Variants in IMMP2L observed in about 807,000 individuals in gnomAD.
IMMP2L encodes mitochondrial inner membrane protease subunit 2.
Under a neutral mutation model 19.3 loss-of-function variants are expected in IMMP2L, and 18 were observed. The observed-to-expected ratio is 0.93, with a 90% confidence interval of 0.64 to 1.38. IMMP2L has a LOEUF of 1.38. Ranked by LOEUF, IMMP2L falls within the 40% of genes most tolerant of loss-of-function variation. The probability of loss-of-function intolerance (pLI) is 0.00; values close to 1 mark genes in which losing one functional copy is unlikely to be tolerated. For missense variants in IMMP2L, 233 were observed against 218.2 expected (o/e 1.07, Z -0.43); for synonymous variants, 76 against 73.0 (o/e 1.04, Z -0.21).
intron 1 of IMMP2L, among the ~76,000 whole-genome samples, chr7:111,533,285 C>A (rs1341250394): frequency 1.3e-5 from 2 of 152,184 alleles, no homozygotes; most frequent in South Asian, 4.2e-4. Context: ...CTCTTATATG[C>A]CTTGTTTTGA....
chr7:111,230,942 G>A (rs1813642687), intron 3 of IMMP2L, among the ~76,000 whole-genome samples: 1 of 151,872 alleles, frequency 6.6e-6, no homozygotes, highest in Non-Finnish European at 1.5e-5. Flanking sequence ...ATGAATGGGT[G>A]CAAATTAATG....
chr7:111,262,000 G>A (rs771774578), intron 3 of IMMP2L, among the ~76,000 whole-genome samples: 1 of 152,084 alleles, frequency 6.6e-6, no homozygotes, highest in Non-Finnish European at 1.5e-5. Flanking sequence ...TCTGTTAGGA[G>A]ATGACAGTGG....
intron 4 of IMMP2L, among the ~76,000 whole-genome samples, chr7:110,931,792 G>A (rs1018158889): frequency 6.6e-6 from 1 of 152,048 alleles, no homozygotes; most frequent in South Asian, 2.1e-4. Context: ...TACATAGTCT[G>A]ATCCTAGTGC....
chr7:111,258,564 T>A (rs568627822), intron 3 of IMMP2L, among the ~76,000 whole-genome samples: 66 of 152,232 alleles, frequency 4.3e-4, no homozygotes, highest in African/African-American at 1.5e-3. Flanking sequence ...TGGAATGCAA[T>A]GGCATGATTG....
chr7:111,286,970 G>A (rs755870227), intron 3 of IMMP2L, among the ~76,000 whole-genome samples: 33 of 152,168 alleles, frequency 2.2e-4, no homozygotes, highest in Non-Finnish European at 4.0e-4. Context: ...ATTAGGCAAT[G>A]TTTCAAGATA....
At chr7:111,163,165 C>A (rs1383840204) in intron 3 of IMMP2L, among the ~76,000 whole-genome samples, 2 of 152,078 alleles carry the variant, frequency 1.3e-5, no homozygotes, top group African/African-American at 4.8e-5. Context: ...ACTCTCACTC[C>A]CAGACCCTGT....
Position 110,742,788 on chromosome 7 carries a change from AT to A in IMMP2L, c.409-79068del, listed in dbSNP as rs1452520252. On this transcript the variant is annotated intron_variant, in intron 5 of 5. Coordinates refer to ENST00000405709, the MANE Select transcript of IMMP2L (RefSeq NM_032549.4). ...CGTCTCAAAAAAAAAAAAAAAAAAA[AT>A]TTATACTTTCAGAGACTATTTGCTG... Among the ~76,000 whole-genome samples, 46 of 133,578 alleles carry A rather than the reference AT, an allele frequency of 3.4e-4. 2 individuals are homozygous for A. The East Asian group carries it at 5.1e-3, about 15-fold the overall frequency. The allele number at this position is 133,578 out of a possible 152,430, so 87.6% of individuals were successfully genotyped here.
chr7:110,884,805 A>G (rs1810045066), intron 5 of IMMP2L, among the ~76,000 whole-genome samples: 1 of 152,074 alleles, frequency 6.6e-6, no homozygotes, highest in Non-Finnish European at 1.5e-5. Flanking sequence ...TGTAATAATT[A>G]CTATTCAAAA....
At chr7:111,228,840 T>G in intron 3 of IMMP2L, among the ~76,000 whole-genome samples, 1 of 151,912 alleles carries the variant, frequency 6.6e-6, no homozygotes, top group Middle Eastern at 3.2e-3. Context: ...TATTTTACAA[T>G]GTTATAAAAA....
intron 4 of IMMP2L, among the ~76,000 whole-genome samples, chr7:110,956,839 A>G (rs1319706471): frequency 2.6e-5 from 4 of 152,018 alleles, no homozygotes. Context: ...AAGTGTCCCA[A>G]TAAAAATGTT....
intron 3 of IMMP2L, among the ~76,000 whole-genome samples, chr7:111,073,854 CCTTTGT>C (rs1795164576): frequency 1.3e-5 from 2 of 152,112 alleles, no homozygotes; most frequent in African/African-American, 4.8e-5. Flanking sequence ...TAATTATTAA[CCTTTGT>C]CTTTGTTGTA....
chr7:111,204,798 G>A (rs1404966428), intron 3 of IMMP2L, among the ~76,000 whole-genome samples: 1 of 152,170 alleles, frequency 6.6e-6, no homozygotes, highest in Admixed American at 6.5e-5. Context: ...AGATCACAGA[G>A]TAAGTGTCTA....
At chr7:111,413,501 C>A (rs1258976014) in intron 3 of IMMP2L, among the ~76,000 whole-genome samples, 2 of 151,254 alleles carry the variant, frequency 1.3e-5, no homozygotes, top group South Asian at 4.2e-4. Context: ...AAAAAAAATA[C>A]ATCATGATGA....
intron 3 of IMMP2L, among the ~76,000 whole-genome samples, chr7:111,349,289 C>T (rs969162187): frequency 5.9e-5 from 9 of 151,844 alleles, no homozygotes; most frequent in Non-Finnish European, 1.2e-4. Flanking sequence ...TGAAGGAGCA[C>T]CTATGTTGAG....
At chr7:110,755,705 A>G (rs1797998339) in intron 5 of IMMP2L, among the ~76,000 whole-genome samples, 1 of 152,110 alleles carries the variant, frequency 6.6e-6, no homozygotes. Context: ...GGAACTGAGG[A>G]GAAGAAGATG....
At chr7:110,865,917 G>C (rs17158058) in intron 5 of IMMP2L, among the ~76,000 whole-genome samples, 2,811 of 151,812 alleles carry the variant, frequency 0.019, 91 homozygotes, top group African/African-American at 0.065. Flanking sequence ...ATACAAAGCA[G>C]AACTTCTTCA....
At chr7:110,775,063 T>C (rs1197062571) in intron 5 of IMMP2L, among the ~76,000 whole-genome samples, 1 of 152,010 alleles carries the variant, frequency 6.6e-6, no homozygotes, top group Non-Finnish European at 1.5e-5. Context: ...GCAAGTGAAA[T>C]GGAAGATATA....
At chr7:111,014,570 A>G (rs1235419234) in intron 3 of IMMP2L, among the ~76,000 whole-genome samples, 1 of 152,166 alleles carries the variant, frequency 6.6e-6, no homozygotes, top group Non-Finnish European at 1.5e-5. Context: ...AAAAGCAAAA[A>G]CAGACAAATG....
intron 2 of IMMP2L, among the ~76,000 whole-genome samples, chr7:111,490,091 T>G (rs1842968237): frequency 6.7e-6 from 1 of 148,354 alleles, no homozygotes; most frequent in Non-Finnish European, 1.5e-5. Flanking sequence ...CCACCACGCC[T>G]GCCCTCTTTT....
Sources: gnomAD v4.1 joint callset for allele counts (sites outside exome capture counted in the v4.1 genomes callset) on GRCh38, gnomAD v4.1.1 for gene constraint, MANE v1.5 for transcripts, NCBI Gene and HGNC (gene_info 2026-07-23, HGNC 2026-07-21) for gene names.